The following GRID1 variants were observed in gnomAD, a reference collection of about 807,000 sequenced individuals.
GRID1 encodes the protein glutamate receptor ionotropic, delta-1.
A neutral mutation model predicts 98.0 loss-of-function variants in GRID1; 28 were observed. The ratio of observed to expected loss-of-function variants is 0.29; its 90% CI spans 0.21 to 0.39. GRID1 has a LOEUF of 0.39. Ranked by LOEUF, GRID1 falls within the 10% of genes least tolerant of loss-of-function variation. The pLI is 1.00. For missense variants in GRID1, 1,111 were observed against 1,340.5 expected (o/e 0.83, Z 2.67); for synonymous variants, 553 against 538.5 (o/e 1.03, Z -0.37).
intron 2 of GRID1, among the ~76,000 whole-genome samples, chr10:86,300,857 C>T (rs573104897): frequency 3.3e-5 from 5 of 152,074 alleles, no homozygotes; most frequent in African/African-American, 1.2e-4. Context: ...GGGTGCAGTC[C>T]GGGAAGCCTG....
intron 8 of GRID1, among the ~76,000 whole-genome samples, chr10:85,738,299 T>C (rs1841907023): frequency 6.6e-6 from 1 of 152,202 alleles, no homozygotes; most frequent in African/African-American, 2.4e-5. Flanking sequence ...CTCCATATCA[T>C]GAGTCATCAG....
chr10:86,298,108 A>G (rs1433694389), intron 2 of GRID1, among the ~76,000 whole-genome samples: 1 of 152,264 alleles, frequency 6.6e-6, no homozygotes, highest in Non-Finnish European at 1.5e-5. Flanking sequence ...GATGTTCAAC[A>G]TGATTTATAA....
intron 8 of GRID1, among the ~76,000 whole-genome samples, chr10:85,797,477 T>C (rs1198848119): frequency 6.6e-6 from 1 of 152,186 alleles, no homozygotes; most frequent in African/African-American, 2.4e-5. Context: ...TTGCCCAGGC[T>C]GGAGTGCAAT....
intron 5 of GRID1, among the ~76,000 whole-genome samples, chr10:85,913,340 T>C (rs1841566825): frequency 6.6e-6 from 1 of 152,250 alleles, no homozygotes; most frequent in African/African-American, 2.4e-5. Flanking sequence ...ACACCATTAA[T>C]AGCTGCATGA....
chr10:85,855,117 G>A (rs1212022414), intron 7 of GRID1, among the ~76,000 whole-genome samples: 3 of 152,258 alleles, frequency 2.0e-5, no homozygotes, highest in African/African-American at 7.2e-5. Flanking sequence ...TTTGCCACCT[G>A]TGCCACCTTG....
chr10:85,775,629 T>A (rs1255706082), intron 8 of GRID1, among the ~76,000 whole-genome samples: 1 of 152,172 alleles, frequency 6.6e-6, no homozygotes, highest in Non-Finnish European at 1.5e-5. Context: ...TAGCCCAAAC[T>A]TCAGCATCAC....
rs566174327 is a variant in GRID1 at position 85,800,378 on chromosome 10, C to A, written c.1233+54118G>T. ...ATACTAAACAAGAACAAACTATGTT[C>A]TTAACCAAAGGTTACAAGATAGAAA... On this transcript the variant is annotated intron_variant, in intron 8 of 15. Coordinates refer to ENST00000327946, the MANE Select transcript of GRID1 (RefSeq NM_017551.3). Among the ~76,000 whole-genome samples, 3 of 152,084 alleles carry A rather than the reference C, an allele frequency of 2.0e-5. No homozygotes were observed. In the South Asian group the frequency reaches 6.2e-4, roughly 32 times the overall value.
At chr10:85,739,436 A>T (rs1339664152) in intron 8 of GRID1, among the ~76,000 whole-genome samples, 1 of 151,948 alleles carries the variant, frequency 6.6e-6, no homozygotes, top group East Asian at 1.9e-4. Context: ...AATAAAAAAA[A>T]CAGCCAGGCA....
At chr10:86,152,614 TCATGGGTAGC>T (rs1845185158) in intron 3 of GRID1, among the ~76,000 whole-genome samples, 1 of 152,204 alleles carries the variant, frequency 6.6e-6, no homozygotes, top group Non-Finnish European at 1.5e-5. Context: ...GGAGGTGGAC[TCATGGGTAGC>T]CATCTCTGGC....
At chr10:86,158,943 G>T (rs774228542) in intron 3 of GRID1, among the ~76,000 whole-genome samples, 7 of 152,130 alleles carry the variant, frequency 4.6e-5, no homozygotes, top group Non-Finnish European at 1.0e-4. Flanking sequence ...GCCCAGGCTG[G>T]AGTGCAGTGG....
At chr10:86,055,758 AAGAAGGAGAAGG>A (rs141410567) in intron 4 of GRID1, among the ~76,000 whole-genome samples, 1 of 151,488 alleles carries the variant, frequency 6.6e-6, no homozygotes, top group African/African-American at 2.4e-5. Flanking sequence ...CAACAAGAAG[AAGAAGGAGAAGG>A]AGAAGGAGAA....
rs535498676 is a variant in GRID1 at position 86,084,785 on chromosome 10, A to G, written c.726+54034T>C. 3.3e-5 allele frequency among the ~76,000 whole-genome samples: 5 copies of G among 152,274 alleles called. No individual in the cohort carries two copies. The South Asian group carries it at 6.2e-4, about 19-fold the overall frequency. On this transcript the variant is annotated intron_variant, in intron 4 of 15. Coordinates refer to ENST00000327946, the MANE Select transcript of GRID1 (RefSeq NM_017551.3). ...AAGTGCAGTAAGCCGCTCACAACAG[A>G]ATACTGTATGATCTCACTTACATGA...
At chr10:85,688,511 A>C (rs2132606839) in intron 12 of GRID1, among the ~76,000 whole-genome samples, 1 of 152,236 alleles carries the variant, frequency 6.6e-6, no homozygotes, top group Non-Finnish European at 1.5e-5. Flanking sequence ...ATCACACATG[A>C]CCTAGAAATG....
chr10:86,198,113 G>A (rs550567501), intron 3 of GRID1, among the ~76,000 whole-genome samples: 5 of 152,044 alleles, frequency 3.3e-5, no homozygotes, highest in African/African-American at 1.2e-4. Flanking sequence ...CATTTGCCCC[G>A]ATAATTCCCT....
chr10:86,215,226 G>C (rs568763102), intron 2 of GRID1, among the ~76,000 whole-genome samples: 1 of 152,322 alleles, frequency 6.6e-6, no homozygotes. Flanking sequence ...AGCCCAGAGA[G>C]GCCCAGGGGA....
intron 2 of GRID1, among the ~76,000 whole-genome samples, chr10:86,217,898 C>T (rs1846198793): frequency 6.6e-6 from 1 of 152,124 alleles, no homozygotes; most frequent in African/African-American, 2.4e-5. Context: ...CAGAGCCTGC[C>T]TCAGCCCTCC....
At chr10:86,229,703 C>G (rs1283190470) in intron 2 of GRID1, among the ~76,000 whole-genome samples, 1 of 152,202 alleles carries the variant, frequency 6.6e-6, no homozygotes, top group Non-Finnish European at 1.5e-5. Flanking sequence ...TTCAACCCTT[C>G]TGATGGCGTG....
At chr10:86,320,126 C>G (rs1396100930) in intron 2 of GRID1, among the ~76,000 whole-genome samples, 1 of 152,222 alleles carries the variant, frequency 6.6e-6, no homozygotes, top group Non-Finnish European at 1.5e-5. Flanking sequence ...TACGGTAAAG[C>G]AAGTTTATGA....
intron 2 of GRID1, among the ~76,000 whole-genome samples, chr10:86,254,619 C>G (rs559247573): frequency 6.6e-6 from 1 of 152,244 alleles, no homozygotes; most frequent in Non-Finnish European, 1.5e-5. Flanking sequence ...TGTTCACACA[C>G]TCCTGGATGA....
Sources: gnomAD v4.1 joint callset for allele counts (sites outside exome capture counted in the v4.1 genomes callset) on GRCh38, gnomAD v4.1.1 for gene constraint, MANE v1.5 for transcripts, NCBI Gene and HGNC (gene_info 2026-07-23, HGNC 2026-07-21) for gene names.